CDH13: variants seen among roughly 807,000 people sequenced by gnomAD.
CDH13 encodes cadherin 13.
Under a neutral mutation model 63.8 loss-of-function variants are expected in CDH13, and 24 were observed. The observed-to-expected ratio is 0.38, with a 90% CI of 0.27 to 0.53. The LOEUF is 0.53. Ranked by LOEUF, CDH13 falls within the 20% of genes least tolerant of loss-of-function variation. CDH13 has a pLI of 0.85. For synonymous variants in CDH13, 503 were observed against 355.3 expected (o/e 1.42, Z -4.67); for missense variants, 1,049 against 903.1 (o/e 1.16, Z -2.07).
At chr16:83,443,721 AAAAAAAAAAAAAAAATAT>A (rs1237918990) in intron 6 of CDH13, among the ~76,000 whole-genome samples, 232 of 92,192 alleles carry the variant, frequency 2.5e-3, no homozygotes, top group Non-Finnish European at 3.0e-3. Flanking sequence ...AAAAAAAAAA[AAAAAAAAAAAAAAAATAT>A]ATATATATAT....
At chr16:82,728,336 A>G (rs867974473) in intron 1 of CDH13, among the ~76,000 whole-genome samples, 51 of 152,070 alleles carry the variant, frequency 3.4e-4, no homozygotes, top group African/African-American at 1.1e-3. Flanking sequence ...TGTTCTATCC[A>G]TCCACTTTTC....
At chr16:83,181,147 G>A (rs1435737329) in intron 4 of CDH13, 2 of 801,414 alleles carry the variant, frequency 2.5e-6, no homozygotes, top group Admixed American at 3.1e-5. Context: ...CAGAGAGTCA[G>A]AAGTCATCAC....
rs371264078 is a variant in CDH13, at chr16:83,483,209, A to G, written c.782-3268A>G. On this transcript the variant is annotated intron_variant, in intron 6 of 13. Coordinates refer to ENST00000567109, the MANE Select transcript of CDH13 (RefSeq NM_001257.5). ...AACCTATTTACATAACTCAGGCACAATGCGGTTCCCTCAGAGGCGCGATTT... is the reference window on the plus strand; with the variant it reads ...AACCTATTTACATAACTCAGGCACAGTGCGGTTCCCTCAGAGGCGCGATTT... Among the ~76,000 whole-genome samples the G allele has an allele frequency of 5.3e-5, 8 of 152,290 alleles. No homozygotes were observed. In the South Asian group the frequency reaches 6.2e-4, roughly 12 times the overall value.
chr16:83,273,695 A>G (rs2088895468), intron 5 of CDH13, among the ~76,000 whole-genome samples: 1 of 152,218 alleles, frequency 6.6e-6, no homozygotes, highest in Non-Finnish European at 1.5e-5. Context: ...TTAATGACAT[A>G]GGTTTCAAGT....
chr16:83,210,552 G>A (rs779538600), intron 4 of CDH13, among the ~76,000 whole-genome samples: 18 of 152,076 alleles, frequency 1.2e-4, no homozygotes, highest in Non-Finnish European at 1.8e-4. Context: ...AGCCCACCAC[G>A]TACGGCATAC....
chr16:82,831,942 A>G (rs1184700122), intron 1 of CDH13, among the ~76,000 whole-genome samples: 4 of 152,234 alleles, frequency 2.6e-5, no homozygotes, highest in Non-Finnish European at 5.9e-5. Context: ...GACCTTTTGA[A>G]AGAATAAAAC....
intron 1 of CDH13, among the ~76,000 whole-genome samples, chr16:82,782,445 G>A (rs1444024967): frequency 6.6e-6 from 1 of 151,980 alleles, no homozygotes; most frequent in Non-Finnish European, 1.5e-5. Context: ...CTAGCTACTG[G>A]GGAGGCTGAG....
intron 2 of CDH13, among the ~76,000 whole-genome samples, chr16:82,947,160 T>G (rs1330151570): frequency 6.6e-6 from 1 of 152,164 alleles, no homozygotes; most frequent in Non-Finnish European, 1.5e-5. Context: ...ATTTTTAAGC[T>G]TGAGTGATCC....
At chr16:82,735,531 T>C (rs1043339344) in intron 1 of CDH13, among the ~76,000 whole-genome samples, 4 of 152,342 alleles carry the variant, frequency 2.6e-5, no homozygotes, top group South Asian at 2.1e-4. Context: ...ATCAAGAAAT[T>C]GTATTCCATA....
chr16:82,795,987 C>T (rs371557075), intron 1 of CDH13, among the ~76,000 whole-genome samples: 5 of 136,888 alleles, frequency 3.7e-5, no homozygotes, highest in South Asian at 2.3e-4. Context: ...TATTGATCTT[C>T]TAATGTTTTT....
intron 6 of CDH13, among the ~76,000 whole-genome samples, chr16:83,380,633 A>T (rs1241719577): frequency 2.0e-5 from 3 of 152,204 alleles, no homozygotes; most frequent in African/African-American, 7.2e-5. Flanking sequence ...CAGCACGTAG[A>T]TTCTGCCCTC....
In CDH13 at chr16:83,138,278, C is replaced by G. The variant is rs538229507; in HGVS notation, c.483+12777C>G. Among the ~76,000 whole-genome samples the G allele has an allele frequency of 9.9e-5, 15 of 152,226 alleles. No individual in the cohort carries two copies. In the South Asian group the frequency reaches 3.1e-3, roughly 32 times the overall value. On this transcript the variant is annotated intron_variant, in intron 4 of 13. Transcript: ENST00000567109. ...TACTATGTGTCAAGCACTGCACTGG[C>G]TACTGCTTATGGATTCCCCCGAGAA...
At chr16:82,741,074 C>G (rs1472081985) in intron 1 of CDH13, among the ~76,000 whole-genome samples, 1 of 152,130 alleles carries the variant, frequency 6.6e-6, no homozygotes, top group Non-Finnish European at 1.5e-5. Flanking sequence ...TCACTCTCCC[C>G]ACACCCCCAA....
At chr16:83,137,012 C>T (rs1451774367) in intron 4 of CDH13, among the ~76,000 whole-genome samples, 3 of 152,344 alleles carry the variant, frequency 2.0e-5, no homozygotes, top group African/African-American at 2.4e-5. Context: ...GTAGGGTTGA[C>T]TTCAGCACGG....
At chr16:83,524,613 C>T (rs995898260) in intron 7 of CDH13, among the ~76,000 whole-genome samples, 1 of 151,908 alleles carries the variant, frequency 6.6e-6, no homozygotes. Context: ...CCACCACACC[C>T]AGCTAATTTT....
At chr16:83,104,085 AAAG>A (rs1422428249) in intron 3 of CDH13, among the ~76,000 whole-genome samples, 1 of 152,192 alleles carries the variant, frequency 6.6e-6, no homozygotes, top group African/African-American at 2.4e-5. Context: ...TCTGGCTTTT[AAAG>A]AAGAATGAGT....
chr16:82,686,178 T>C (rs552074000), intron 1 of CDH13, among the ~76,000 whole-genome samples: 22 of 152,306 alleles, frequency 1.4e-4, no homozygotes, highest in African/African-American at 4.3e-4. Context: ...GTGTTTTGTG[T>C]TTGTGGGGTC....
intron 1 of CDH13, among the ~76,000 whole-genome samples, chr16:82,744,245 A>G (rs1027858720): frequency 2.0e-5 from 3 of 152,254 alleles, no homozygotes; most frequent in African/African-American, 7.2e-5. Context: ...AAAGCGAAGC[A>G]AGAGGGTGAT....
intron 5 of CDH13, among the ~76,000 whole-genome samples, chr16:83,238,686 C>G (rs994305562): frequency 2.6e-5 from 4 of 152,158 alleles, no homozygotes; most frequent in Non-Finnish European, 4.4e-5. Flanking sequence ...ATCTCAGGCA[C>G]CTAAAGTCAA....
Sources: allele counts gnomAD v4.1 joint callset (sites outside exome capture counted in the v4.1 genomes callset), GRCh38; gene constraint gnomAD v4.1.1; transcripts MANE v1.5; gene names NCBI Gene and HGNC (gene_info 2026-07-23, HGNC 2026-07-21).